Variants in ATE1 observed in about 807,000 individuals in gnomAD.
ATE1 encodes arginyltransferase 1, also known as arginyl-tRNA--protein transferase 1.
ATE1 carries 36 observed loss-of-function variants against 70.5 expected under a neutral mutation model. The observed-to-expected ratio is 0.51, with a 90% CI of 0.39 to 0.67. ATE1 has a LOEUF of 0.67. Ranked by LOEUF, ATE1 falls within the 30% of genes least tolerant of loss-of-function variation. The pLI is 0.00. For synonymous variants in ATE1, 232 were observed against 219.3 expected, an observed-to-expected ratio of 1.06 and a Z score of -0.51; for missense variants, 593 against 629.5, an observed-to-expected ratio of 0.94 and a Z score of 0.62.
intron 7 of ATE1, among the ~76,000 whole-genome samples, chr10:121,895,320 C>A (rs1451971439): frequency 6.6e-6 from 1 of 152,150 alleles, no homozygotes; most frequent in Non-Finnish European, 1.5e-5. Context: ...ACAATAAAAA[C>A]CACCCAAGGC....
intron 8 of ATE1, among the ~76,000 whole-genome samples, chr10:121,855,798 G>C (rs976061889): frequency 6.6e-6 from 1 of 152,168 alleles, no homozygotes; most frequent in African/African-American, 2.4e-5. Flanking sequence ...GTATAGGCCA[G>C]GTGTGGTGGC....
chr10:121,829,627 A>G (rs1236140729), intron 10 of ATE1, among the ~76,000 whole-genome samples: 1 of 150,560 alleles, frequency 6.6e-6, no homozygotes, highest in Non-Finnish European at 1.5e-5. Flanking sequence ...AGAATTGCTT[A>G]AACCTAGAGG....
chr10:121,858,003 ATG>A (rs765819560), intron 8 of ATE1, among the ~76,000 whole-genome samples: 2 of 152,186 alleles, frequency 1.3e-5, no homozygotes, highest in African/African-American at 4.8e-5. Context: ...TTCATTCACC[ATG>A]TGTGATTGAG....
chr10:121,923,671 C>A (rs970781686), intron 2 of ATE1, among the ~76,000 whole-genome samples: 6 of 152,106 alleles, frequency 3.9e-5, no homozygotes, highest in African/African-American at 1.4e-4. Context: ...AGGAACTTTA[C>A]CTAAGAGTTA....
At chr10:121,921,823 T>C (rs571139256) in intron 3 of ATE1, among the ~76,000 whole-genome samples, 1 of 152,276 alleles carries the variant, frequency 6.6e-6, no homozygotes, top group African/African-American at 2.4e-5. Flanking sequence ...GGGCCCAGTC[T>C]TTTAGACGTT....
At chr10:121,825,989 A>G (rs1947992804) in intron 10 of ATE1, among the ~76,000 whole-genome samples, 1 of 152,266 alleles carries the variant, frequency 6.6e-6, no homozygotes, top group Non-Finnish European at 1.5e-5. Flanking sequence ...ATTCAGCCTT[A>G]AAGAGGAAAG....
intron 10 of ATE1, among the ~76,000 whole-genome samples, chr10:121,793,375 T>A (rs1946531187): frequency 6.6e-6 from 1 of 152,230 alleles, no homozygotes; most frequent in Admixed American, 6.5e-5. Flanking sequence ...TTTGTGAATA[T>A]GCCTAGGATA....
rs543874852 is a variant in ATE1 at position 121,747,628 on chromosome 10, A to C, written c.1379-3770T>G. ...CCTTTCTGTGCCTTGCTTGGCTCTC[A>C]GCAACACCACTGCCTGTTATCACCA... On this transcript the variant is annotated intron_variant, in intron 11 of 11. Transcript: ENST00000224652. Among the ~76,000 whole-genome samples, 5 of 152,302 alleles carry C rather than the reference A, an allele frequency of 3.3e-5. No homozygotes were observed. The South Asian group carries it at 8.3e-4, about 25-fold the overall frequency.
intron 7 of ATE1, among the ~76,000 whole-genome samples, chr10:121,892,801 C>T (rs1950626159): frequency 6.6e-6 from 1 of 152,152 alleles, no homozygotes; most frequent in African/African-American, 2.4e-5. Flanking sequence ...TGGCATGAGC[C>T]ATGGCGCCCA....
chr10:121,883,103 TAAC>T (rs1418152742), intron 7 of ATE1, among the ~76,000 whole-genome samples: 6 of 152,176 alleles, frequency 3.9e-5, no homozygotes, highest in African/African-American at 1.4e-4. Flanking sequence ...GTAACTTTAC[TAAC>T]AATAAACTTG....
intron 10 of ATE1, among the ~76,000 whole-genome samples, chr10:121,799,654 T>TA (rs1410159512): frequency 6.6e-6 from 1 of 152,230 alleles, no homozygotes; most frequent in African/African-American, 2.4e-5. Flanking sequence ...ATGTTAACGT[T>TA]AGATTAGTTA....
At chr10:121,874,230 T>G (rs1387765713) in intron 7 of ATE1, among the ~76,000 whole-genome samples, 1 of 152,226 alleles carries the variant, frequency 6.6e-6, no homozygotes, top group African/African-American at 2.4e-5. Context: ...TATGTTAACT[T>G]AACATTTTAG....
intron 6 of ATE1, among the ~76,000 whole-genome samples, chr10:121,901,799 C>T (rs1950992908): frequency 6.6e-6 from 1 of 152,100 alleles, no homozygotes; most frequent in South Asian, 2.1e-4. Flanking sequence ...ACTGAGAAAT[C>T]TTGATCTGAT....
chr10:121,798,570 C>T (rs560811138), intron 10 of ATE1, among the ~76,000 whole-genome samples: 1 of 152,324 alleles, frequency 6.6e-6, no homozygotes, highest in South Asian at 2.1e-4. Flanking sequence ...TAATTCTGCA[C>T]ATTGTCTGAG....
At chr10:121,763,520 T>C (rs1426242848) in intron 11 of ATE1, among the ~76,000 whole-genome samples, 6 of 152,166 alleles carry the variant, frequency 3.9e-5, no homozygotes, top group Admixed American at 2.0e-4. Context: ...TTACTGTTGG[T>C]TTCCAATTTT....
intron 5 of ATE1, among the ~76,000 whole-genome samples, chr10:121,904,217 C>T (rs1037737578): frequency 4.6e-5 from 7 of 151,822 alleles, no homozygotes; most frequent in African/African-American, 1.2e-4. Context: ...CTCCTGACCT[C>T]GTGATCCACC....
intron 7 of ATE1, among the ~76,000 whole-genome samples, chr10:121,895,668 C>A (rs1025162043): frequency 3.3e-5 from 5 of 151,746 alleles, no homozygotes; most frequent in African/African-American, 1.2e-4. Context: ...AGTATATCAG[C>A]CAGGTGCAGT....
intron 11 of ATE1, among the ~76,000 whole-genome samples, chr10:121,776,208 T>C (rs535851829): frequency 3.3e-5 from 5 of 152,330 alleles, no homozygotes; most frequent in African/African-American, 1.2e-4. Context: ...TAATTTGAAA[T>C]GTACAATAAA....
intron 8 of ATE1, among the ~76,000 whole-genome samples, chr10:121,866,763 CT>C (rs2133995127): frequency 6.7e-6 from 1 of 149,782 alleles, no homozygotes; most frequent in Non-Finnish European, 1.5e-5. Context: ...AGGAGAATTG[CT>C]TCAAATGGAA....
Sources: allele counts gnomAD v4.1 joint callset (sites outside exome capture counted in the v4.1 genomes callset), GRCh38; gene constraint gnomAD v4.1.1; transcripts MANE v1.5; gene names NCBI Gene and HGNC (gene_info 2026-07-23, HGNC 2026-07-21).